SYNDIG1: variants seen among roughly 807,000 people sequenced by gnomAD.
SYNDIG1 encodes synapse differentiation-inducing gene protein 1.
SYNDIG1 carries 9 observed loss-of-function variants against 19.4 expected under a neutral mutation model. The ratio of observed to expected loss-of-function variants is 0.46; its 90% CI spans 0.28 to 0.81. The LOEUF is 0.81. Ranked by LOEUF, SYNDIG1 falls within the 30% of genes least tolerant of loss-of-function variation. The pLI is 0.12. For synonymous variants in SYNDIG1, 141 were observed against 145.9 expected, an observed-to-expected ratio of 0.97 and a Z score of 0.24; for missense variants, 311 against 343.3, an observed-to-expected ratio of 0.91 and a Z score of 0.74.
At chr20:24,532,259 G>T (rs900899738) in intron 1 of SYNDIG1, among the ~76,000 whole-genome samples, 2 of 152,212 alleles carry the variant, frequency 1.3e-5, no homozygotes, top group Non-Finnish European at 2.9e-5. Flanking sequence ...TGAAAGCACA[G>T]TGAAGGTAAA....
At chr20:24,534,502 T>G (rs2057323898) in intron 1 of SYNDIG1, among the ~76,000 whole-genome samples, 1 of 152,216 alleles carries the variant, frequency 6.6e-6, no homozygotes, top group South Asian at 2.1e-4. Context: ...GGGCAGGGAT[T>G]TCCCCCAGCC....
In SYNDIG1 at chr20:24,568,886, A is replaced by G. The variant is rs375885680; in HGVS notation, c.481-15970A>G. On this transcript the variant is annotated intron_variant, in intron 2 of 3. Coordinates refer to ENST00000376862, the MANE Select transcript of SYNDIG1 (RefSeq NM_024893.3). ...GTGGTCCTGTGCCCCCTGTTCATAC[A>G]TGTCACCACCTCCACTCATCAGCTG... 5.3e-5 allele frequency among the ~76,000 whole-genome samples: 8 copies of G among 152,290 alleles called. No homozygotes were observed. The East Asian group carries it at 1.3e-3, about 26-fold the overall frequency.
chr20:24,477,587 C>T (rs1055472087), intron 1 of SYNDIG1, among the ~76,000 whole-genome samples: 1 of 152,142 alleles, frequency 6.6e-6, no homozygotes, highest in Non-Finnish European at 1.5e-5. Flanking sequence ...CAAGCTGTAA[C>T]CCATCTGTGA....
intron 3 of SYNDIG1, among the ~76,000 whole-genome samples, chr20:24,617,101 A>G (rs560965493): frequency 2.0e-5 from 3 of 152,224 alleles, no homozygotes; most frequent in African/African-American, 7.2e-5. Context: ...TTTACATAAC[A>G]GACAGAAAAT....
chr20:24,654,688 G>GGAAGGAAA (rs2059507352), intron 3 of SYNDIG1, among the ~76,000 whole-genome samples: 1 of 150,760 alleles, frequency 6.6e-6, no homozygotes, highest in Non-Finnish European at 1.5e-5. Context: ...AAGGAAGGAA[G>GGAAGGAAA]GAAGGAAGGA....
chr20:24,657,117 C>T (rs1194013714), intron 3 of SYNDIG1, among the ~76,000 whole-genome samples: 1 of 152,182 alleles, frequency 6.6e-6, no homozygotes, highest in Non-Finnish European at 1.5e-5. Context: ...TGTACAGCCT[C>T]CAGAAGGATG....
At chr20:24,500,521 T>C (rs1421870247) in intron 1 of SYNDIG1, among the ~76,000 whole-genome samples, 5 of 143,964 alleles carry the variant, frequency 3.5e-5, no homozygotes, top group Non-Finnish European at 6.1e-5. Context: ...TTTCTTTCTT[T>C]CTTTCTTTCT....
chr20:24,545,537 C>G (rs1449932336), intron 2 of SYNDIG1, among the ~76,000 whole-genome samples: 1 of 152,164 alleles, frequency 6.6e-6, no homozygotes, highest in Non-Finnish European at 1.5e-5. Flanking sequence ...TGAAGAGGGT[C>G]TGGGGCCCTG....
chr20:24,626,530 G>A (rs1296723420), intron 3 of SYNDIG1, among the ~76,000 whole-genome samples: 6 of 151,938 alleles, frequency 3.9e-5, no homozygotes, highest in African/African-American at 1.5e-4. Context: ...CGGCCGGGAA[G>A]AGGCACTCCT....
At chr20:24,654,650 GAGGA>G (rs572001347) in intron 3 of SYNDIG1, among the ~76,000 whole-genome samples, 28,577 of 117,244 alleles carry the variant, frequency 0.24, 3,431 homozygotes, top group Non-Finnish European at 0.27. Flanking sequence ...GGGAGGGAGG[GAGGA>G]AGGAAGGAAG....
chr20:24,471,195 G>T (rs1350987105), intron 1 of SYNDIG1, among the ~76,000 whole-genome samples: 1 of 152,044 alleles, frequency 6.6e-6, no homozygotes, highest in African/African-American at 2.4e-5. Context: ...GCTAGGCTGC[G>T]ACCTCAAGGG....
chr20:24,621,807 T>C (rs1050238334), intron 3 of SYNDIG1, among the ~76,000 whole-genome samples: 3 of 152,138 alleles, frequency 2.0e-5, no homozygotes, highest in African/African-American at 7.2e-5. Context: ...CTGACTTAGG[T>C]GCCATATATA....
At chr20:24,524,563 G>A (rs1374180133) in intron 1 of SYNDIG1, among the ~76,000 whole-genome samples, 5 of 151,804 alleles carry the variant, frequency 3.3e-5, no homozygotes, top group African/African-American at 1.2e-4. Flanking sequence ...GGAGAACGGC[G>A]TGAACCCGGG....
chr20:24,615,363 G>T (rs1292673835), intron 3 of SYNDIG1, among the ~76,000 whole-genome samples: 1 of 152,110 alleles, frequency 6.6e-6, no homozygotes, highest in Non-Finnish European at 1.5e-5. Flanking sequence ...AGCGAGACCT[G>T]GGTTCAGCCT....
intron 1 of SYNDIG1, among the ~76,000 whole-genome samples, chr20:24,476,916 C>T (rs1387491591): frequency 2.0e-5 from 3 of 152,120 alleles, no homozygotes; most frequent in Non-Finnish European, 2.9e-5. Context: ...CCTGTGGGTC[C>T]TCTTGTGTAA....
chr20:24,654,576 C>A (rs951919316), intron 3 of SYNDIG1, among the ~76,000 whole-genome samples: 3 of 139,160 alleles, frequency 2.2e-5, no homozygotes, highest in Admixed American at 7.6e-5. Context: ...CAAAAGCAAG[C>A]AAGAGAAAGG....
rs542558279 is a variant in SYNDIG1, at chr20:24,600,177, G to C, written c.618+15184G>C. Reference sequence around the variant, plus strand: ...GATATATTATTATACATTTTTGAAAGTTAGAAAAAAGGAAAAGAGACTGGA... The same window carrying C: ...GATATATTATTATACATTTTTGAAACTTAGAAAAAAGGAAAAGAGACTGGA... On this transcript the variant is annotated intron_variant, in intron 3 of 3. Transcript: ENST00000376862. Among the ~76,000 whole-genome samples the C allele has an allele frequency of 5.6e-4, 86 of 152,264 alleles. 1 individual carries two copies. In the South Asian group the frequency reaches 0.017, roughly 30 times the overall value.
chr20:24,515,164 G>A (rs948784520), intron 1 of SYNDIG1, among the ~76,000 whole-genome samples: 44 of 152,146 alleles, frequency 2.9e-4, no homozygotes, highest in Non-Finnish European at 5.4e-4. Context: ...ATGCCCACAA[G>A]AGAAAGCAGG....
At chr20:24,642,379 C>T (rs1478969953) in intron 3 of SYNDIG1, among the ~76,000 whole-genome samples, 3 of 152,258 alleles carry the variant, frequency 2.0e-5, no homozygotes, top group African/African-American at 7.2e-5. Context: ...GTCAGGGCCT[C>T]CACAGCAGAG....
Sources: gnomAD v4.1 joint callset for allele counts (sites outside exome capture counted in the v4.1 genomes callset) on GRCh38, gnomAD v4.1.1 for gene constraint, MANE v1.5 for transcripts, NCBI Gene and HGNC (gene_info 2026-07-23, HGNC 2026-07-21) for gene names.